Variants in MCMDC2 observed in about 807,000 individuals in gnomAD.
MCMDC2 encodes the protein minichromosome maintenance domain-containing protein 2.
A neutral mutation model predicts 75.8 loss-of-function variants in MCMDC2; 54 were observed. The ratio of observed to expected loss-of-function variants is 0.71; its 90% CI spans 0.57 to 0.89. The LOEUF is 0.89. Among genes scored for constraint, MCMDC2 ranks in the 40% least tolerant of loss-of-function variants. The probability of loss-of-function intolerance (pLI) is 0.00; values close to 1 mark genes in which losing one functional copy is unlikely to be tolerated. For missense variants in MCMDC2, 656 were observed against 780.4 expected, an observed-to-expected ratio of 0.84 and a Z score of 1.90; for synonymous variants, 249 against 274.6, an observed-to-expected ratio of 0.91 and a Z score of 0.92.
chr8:66,922,622 A>T (rs530707673), downstream of MCMDC2: 3 of 465,146 alleles, frequency 6.4e-6, no homozygotes, highest in South Asian at 1.6e-5. Context: ...ACCTCAATAC[A>T]TGCCGCGTGA....
At chr8:66,916,713 CTCTG>C (rs1813337858) in intron 14 of MCMDC2, among the ~76,000 whole-genome samples, 1 of 152,012 alleles carries the variant, frequency 6.6e-6, no homozygotes, top group Non-Finnish European at 1.5e-5. Context: ...GACTGGGGGT[CTCTG>C]TAGACCTGAA....
In MCMDC2 at chr8:66,896,935, G is replaced by C. The variant is rs934196200; in HGVS notation, c.1602G>C (p.Gln534His). Residue 534 changes from glutamine (Q) to histidine (H), a missense_variant, in exon 12 of 15, where the codon CAG becomes CAC. Gln to His is a conservative substitution (Grantham distance 24). Transcript: ENST00000422365. ...PEGLFYAASRQFTTEDFEKLL... is the reference protein window; with the variant it reads ...PEGLFYAASRHFTTEDFEKLL... ...GGCTGTTTTATGCGGCTTCTAGACA[G>C]TTCACAACTGAAGATTTTGAAAAGG... 2 of 1,605,000 alleles carry C rather than the reference G, an allele frequency of 1.2e-6. No individual in the cohort carries two copies. The highest frequency in any genetic ancestry group is 1.7e-6 in the Non-Finnish European group (2 of 1,176,352).
intron 9 of MCMDC2, among the ~76,000 whole-genome samples, chr8:66,885,029 C>T (rs1399521425): frequency 6.6e-6 from 1 of 152,046 alleles, no homozygotes; most frequent in Non-Finnish European, 1.5e-5. Flanking sequence ...CCTCATTATC[C>T]AACTTTAAAA....
chr8:66,888,346 T>C (rs1476998451), intron 9 of MCMDC2, among the ~76,000 whole-genome samples: 1 of 152,258 alleles, frequency 6.6e-6, no homozygotes, highest in Non-Finnish European at 1.5e-5. Context: ...CCTCTCAAAG[T>C]GCTGGGATTG....
chr8:66,898,154 A>C (rs552013844), intron 12 of MCMDC2, among the ~76,000 whole-genome samples: 2 of 152,290 alleles, frequency 1.3e-5, no homozygotes, highest in South Asian at 4.1e-4. Context: ...AAATATGGAC[A>C]GGCTAATGGC....
chr8:66,890,484 A>G (rs1245064747), intron 9 of MCMDC2, among the ~76,000 whole-genome samples: 1 of 151,530 alleles, frequency 6.6e-6, no homozygotes. Context: ...CTCTCTTTTT[A>G]GACTGTGAGC....
intron 12 of MCMDC2, among the ~76,000 whole-genome samples, chr8:66,898,213 G>C (rs1183035161): frequency 2.6e-5 from 4 of 152,052 alleles, no homozygotes; most frequent in Non-Finnish European, 4.4e-5. Context: ...AAACAATCTA[G>C]ATTTATTAAT....
chr8:66,888,224 G>A (rs1472972579), intron 9 of MCMDC2, among the ~76,000 whole-genome samples: 6 of 152,080 alleles, frequency 3.9e-5, no homozygotes, highest in Admixed American at 3.9e-4. Context: ...GGGAACAGAG[G>A]CGTGAACCAC....
intron 14 of MCMDC2, among the ~76,000 whole-genome samples, chr8:66,908,039 A>G (rs1284987019): frequency 6.6e-6 from 1 of 152,048 alleles, no homozygotes; most frequent in Non-Finnish European, 1.5e-5. Flanking sequence ...CTCTGATGAT[A>G]GTTTCTTTTG....
rs1482086686 is a variant in MCMDC2 at position 66,896,836 on chromosome 8, C to T, written c.1503C>T (p.Cys501=). ...LVEAFGLLIN[C]NESSPCHPFL... is the part of the protein sequence containing the mutation. ...AGGCATTTGGTTTATTGATTAACTG[C>T]AACGAGTCATCTCCCTGCCACCCAT... is the stretch of plus-strand genomic sequence containing the variant. The change falls in exon 12 of 15, where the codon TGC becomes TGT. Residue 501 remains cysteine (C), a synonymous_variant. Coordinates refer to ENST00000422365, the MANE Select transcript of MCMDC2 (RefSeq NM_173518.5). 1.5e-5 allele frequency: 24 copies of T among 1,613,302 alleles called. No homozygotes were observed. The highest frequency in any genetic ancestry group is 1.9e-5 in the Non-Finnish European group (23 of 1,179,704).
At position 66,920,834 on chromosome 8, in the gene MCMDC2, G is replaced by A. The variant is rs1813499369; in HGVS notation, c.*1665G>A. 6.6e-6 allele frequency: 1 copy of A among 151,894 alleles called. No individual in the cohort carries two copies. The highest frequency in any genetic ancestry group is 2.4e-5 in the African/African-American group (1 of 41,352). 9.4% of individuals were successfully genotyped at this position (151,894 alleles called of 1,614,324 possible). ...ACTACAGGGACATGCTACCACCCTG[G>A]GATAACTTCTGCATTTTTTGTAGAG... is the stretch of plus-strand genomic sequence containing the variant. On this transcript the variant is annotated 3_prime_UTR_variant, in exon 15 of 15. Transcript: ENST00000422365.
intron 14 of MCMDC2, among the ~76,000 whole-genome samples, chr8:66,915,790 A>G (rs2130871631): frequency 6.6e-6 from 1 of 152,272 alleles, no homozygotes; most frequent in African/African-American, 2.4e-5. Context: ...GAACCCCAGG[A>G]CTGCCCTTGA....
At chr8:66,886,515 G>A (rs1485691973) in intron 9 of MCMDC2, among the ~76,000 whole-genome samples, 1 of 152,108 alleles carries the variant, frequency 6.6e-6, no homozygotes, top group Non-Finnish European at 1.5e-5. Context: ...GCTCATGACT[G>A]TAATCTCAGC....
At chr8:66,882,307 G>C (rs975185310) in intron 8 of MCMDC2, among the ~76,000 whole-genome samples, 1 of 152,192 alleles carries the variant, frequency 6.6e-6, no homozygotes, top group Non-Finnish European at 1.5e-5. Flanking sequence ...AGCTTTCGCA[G>C]ATTATCAGAA....
chr8:66,912,140 T>G (rs1813144760), intron 14 of MCMDC2, among the ~76,000 whole-genome samples: 1 of 152,144 alleles, frequency 6.6e-6, no homozygotes, highest in African/African-American at 2.4e-5. Flanking sequence ...GGTTAAAATA[T>G]CTACATTAAC....
chr8:66,882,585 C>T (rs1480424285), intron 8 of MCMDC2, among the ~76,000 whole-genome samples: 1 of 152,078 alleles, frequency 6.6e-6, no homozygotes, highest in African/African-American at 2.4e-5. Flanking sequence ...AGGCTGGTCT[C>T]AAACTCCTGA....
chr8:66,923,528 CAA>C (rs200363391), downstream of MCMDC2, among the ~76,000 whole-genome samples: 46 of 151,998 alleles, frequency 3.0e-4, no homozygotes, highest in East Asian at 7.0e-3. Context: ...TTAACTGAAA[CAA>C]AAAAAGTTTC....
At chr8:66,894,652 A>G (rs1166485706) in intron 10 of MCMDC2, among the ~76,000 whole-genome samples, 1 of 152,252 alleles carries the variant, frequency 6.6e-6, no homozygotes, top group Admixed American at 6.5e-5. Flanking sequence ...ATTGTACAAT[A>G]TAAAGATAAA....
intron 14 of MCMDC2, among the ~76,000 whole-genome samples, chr8:66,905,903 G>GCTGAGGCAAGAGAATCGTTTC (rs1365533083): frequency 1.3e-5 from 2 of 151,866 alleles, no homozygotes; most frequent in African/African-American, 4.8e-5. Flanking sequence ...TACTCAGGAG[G>GCTGAGGCAAGAGAATCGTTTC]CTGAGGCAAG....
Sources: gnomAD v4.1 joint callset for allele counts (sites outside exome capture counted in the v4.1 genomes callset) on GRCh38, gnomAD v4.1.1 for gene constraint, MANE v1.5 for transcripts, NCBI Gene and HGNC (gene_info 2026-07-23, HGNC 2026-07-21) for gene names.